Variants in TMEM128 observed in about 807,000 individuals in gnomAD.
TMEM128 encodes the protein transmembrane protein 128.
TMEM128 carries 16 observed loss-of-function variants against 19.7 expected under a neutral mutation model. The ratio of observed to expected loss-of-function variants is 0.81; its 90% confidence interval spans 0.55 to 1.23. The LOEUF (loss-of-function observed/expected upper bound fraction) is 1.23. Ranked by LOEUF, TMEM128 falls within the 50% of genes most tolerant of loss-of-function variation. The pLI, the probability that TMEM128 is intolerant of heterozygous loss-of-function variation, is 0.00. For synonymous variants in TMEM128, 98 were observed against 75.8 expected (o/e 1.29, Z -1.52); for missense variants, 237 against 200.8 (o/e 1.18, Z -1.09).
intron 1 of TMEM128, chr4:4,247,740 G>A (rs1294384997): frequency 1.3e-6 from 2 of 1,572,428 alleles, no homozygotes; most frequent in Non-Finnish European, 1.7e-6. Flanking sequence ...CTGCTGACGG[G>A]CAAGGCAGAT....
At chr4:4,242,510 TGAG>T (rs1718001749) in intron 2 of TMEM128, among the ~76,000 whole-genome samples, 1 of 143,496 alleles carries the variant, frequency 7.0e-6, no homozygotes, top group Non-Finnish European at 1.6e-5. Context: ...CATGTGGATA[TGAG>T]AAAAAAAAAA....
intron 2 of TMEM128, among the ~76,000 whole-genome samples, chr4:4,244,259 G>C (rs3856965): frequency 0.31 from 46,911 of 151,828 alleles, 7,847 homozygotes; most frequent in East Asian, 0.46. Context: ...GAGGATCACT[G>C]GAGCCCACAA....
At chr4:4,239,808 C>G (rs1308253684) in intron 3 of TMEM128, among the ~76,000 whole-genome samples, 1 of 152,208 alleles carries the variant, frequency 6.6e-6, no homozygotes, top group Admixed American at 6.5e-5. Context: ...GGAATACACC[C>G]TGTACAAATC....
rs139763367 is a variant in TMEM128, at chr4:4,245,814, G to A, written c.239+388C>T. ...TACATATATATGAATATATATATAC[G>A]TGTATACATATACACACACACACAT... On this transcript the variant is annotated intron_variant, in intron 2 of 4. Transcript: ENST00000382753. 4.9e-3 allele frequency among the ~76,000 whole-genome samples: 742 copies of A among 151,162 alleles called. 7 individuals are homozygous for A. The highest frequency in any genetic ancestry group is 0.017 in the African/African-American group (688 of 41,096).
At chr4:4,245,198 C>A (rs780056583) in intron 2 of TMEM128, among the ~76,000 whole-genome samples, 1 of 152,200 alleles carries the variant, frequency 6.6e-6, no homozygotes, top group Non-Finnish European at 1.5e-5. Context: ...CATTTCTTAT[C>A]CAAGGGTCTC....
intron 1 of TMEM128, 111 bp from the exon 2 acceptor site, chr4:4,246,454 G>T: frequency 9.0e-7 from 1 of 1,114,728 alleles, no homozygotes; most frequent in Non-Finnish European, 1.3e-6. Context: ...TCTCTCCCAT[G>T]ATAACAAATC....
intron 2 of TMEM128, among the ~76,000 whole-genome samples, chr4:4,242,012 C>T (rs929066414): frequency 1.7e-4 from 26 of 152,210 alleles, no homozygotes; most frequent in Non-Finnish European, 3.2e-4. Context: ...ACCAATTCTC[C>T]TGCCTCAGCC....
At position 4,248,173 on chromosome 4, in the gene TMEM128, G is replaced by C. The variant is rs763897051; in HGVS notation, c.30C>G (p.Leu10=). The C allele has an allele frequency of 1.2e-5, 19 of 1,532,120 alleles. No individual in the cohort carries two copies. In the South Asian group the frequency reaches 1.7e-4, roughly 14 times the overall value. The allele number at this position is 1,532,120 out of a possible 1,614,324, so 94.9% of individuals were successfully genotyped here. A position where few individuals can be genotyped will look rare whatever the true frequency, so the allele number is the denominator to read the frequency against. The change falls in exon 1 of 5, where the codon CTC becomes CTG. Residue 10 remains leucine, a synonymous_variant. Coordinates refer to ENST00000382753, the MANE Select transcript of TMEM128 (RefSeq NM_001297551.2). ...CCGGCAGGAGGAGGAATCGCCGCCG[G>C]AGCTGCTGCCGGGCCCGCGAGGAGT... MDSSRARQQ[L]RRRFLLLPDA...
At chr4:4,239,048 A>G (rs2108815537) in intron 3 of TMEM128, among the ~76,000 whole-genome samples, 1 of 152,344 alleles carries the variant, frequency 6.6e-6, no homozygotes, top group African/African-American at 2.4e-5. Flanking sequence ...AAAAAGAAAA[A>G]AAAATCCAAT....
At position 4,248,197 on chromosome 4, in the gene TMEM128, G is replaced by A. The variant is rs150283143; in HGVS notation, c.6C>T (p.Asp2=). The A allele has an allele frequency of 1.6e-4, 246 of 1,522,128 alleles. 1 individual carries two copies. In the East Asian group the frequency reaches 4.4e-3, roughly 27 times the overall value. 94.3% of individuals were successfully genotyped at this position (1,522,128 alleles called of 1,614,324 possible). A position where few individuals can be genotyped will look rare whatever the true frequency, so the allele number is the denominator to read the frequency against. The change falls in exon 1 of 5, where the codon GAC becomes GAT. Residue 2 remains aspartate, a synonymous_variant. Coordinates refer to ENST00000382753, the MANE Select transcript of TMEM128 (RefSeq NM_001297551.2). M[D]SSRARQQLRR... ...GGAGCTGCTGCCGGGCCCGCGAGGA[G>A]TCCATCTTGGTACCGCCCCGAAATG... is the stretch of plus-strand genomic sequence containing the variant.
chr4:4,238,534 C>A (rs865942846), intron 3 of TMEM128, among the ~76,000 whole-genome samples: 2 of 152,014 alleles, frequency 1.3e-5, no homozygotes, highest in Non-Finnish European at 2.9e-5. Context: ...TATTAAATAA[C>A]TATAATCACA....
intron 1 of TMEM128, chr4:4,247,746 C>T: frequency 1.9e-6 from 3 of 1,557,256 alleles, no homozygotes; most frequent in Non-Finnish European, 2.6e-6. Flanking sequence ...ACGGGCAAGG[C>T]AGATATTTCC....
chr4:4,246,323 T>C lies in TMEM128; in HGVS notation c.118A>G (p.Lys40Glu), dbSNP rs1718170672. Residue 40 changes from lysine (K) to glutamate (E), a missense_variant, in exon 2 of 5, where the codon AAA (lysine) becomes GAA (glutamate). Coordinates refer to ENST00000382753, the MANE Select transcript of TMEM128 (RefSeq NM_001297551.2). Reference protein sequence around the residue: ...AGPETSTAVEKKEKPLPRLNI... With the variant: ...AGPETSTAVEEKEKPLPRLNI... Reference sequence around the variant, plus strand: ...AGTCTTGGAAGAGGTTTCTCCTTTTTCTCAACAGCTGTGGAGGTTTCTGCA... The same window carrying C: ...AGTCTTGGAAGAGGTTTCTCCTTTTCCTCAACAGCTGTGGAGGTTTCTGCA... The C allele has an allele frequency of 1.2e-6, 2 of 1,608,508 alleles. No homozygotes were observed. The highest frequency in any genetic ancestry group is 1.1e-5 in the South Asian group (1 of 89,030).
chr4:4,241,753 A>G (rs765122072), intron 2 of TMEM128, among the ~76,000 whole-genome samples: 2 of 152,208 alleles, frequency 1.3e-5, no homozygotes, highest in African/African-American at 2.4e-5. Flanking sequence ...TTGTGACTCT[A>G]GGCAAATTAC....
chr4:4,246,110 T>C (rs913527339), intron 2 of TMEM128, 92 bp downstream of exon 2: 2 of 1,324,544 alleles, frequency 1.5e-6, no homozygotes, highest in South Asian at 1.5e-5. Flanking sequence ...CAGAGAGTAG[T>C]AGGTGCTTAC....
Position 4,235,755 on chromosome 4 carries a change from G to A in TMEM128, c.*511C>T, listed in dbSNP as rs1337068812. 6.6e-6 allele frequency: 1 copy of A among 152,534 alleles called. No homozygotes were observed. Among genetic ancestry groups the A allele is most frequent in the Admixed American group, 6.5e-5 (1 of 15,268 alleles). 9.4% of individuals were successfully genotyped at this position (152,534 alleles called of 1,614,324 possible). On this transcript the variant is annotated 3_prime_UTR_variant, in exon 5 of 5. Transcript: ENST00000382753. ...ATAGTAATTACTAAAGCTGGTTAAA[G>A]GCACATGACAACATAATTCCTTTAT...
rs113882241 is a variant in TMEM128, at chr4:4,246,082, C to T, written c.239+120G>A. 15 of 1,049,460 alleles carry T rather than the reference C, an allele frequency of 1.4e-5. No individual in the cohort carries two copies. The African/African-American group carries it at 1.8e-4, about 13-fold the overall frequency. 65.0% of individuals were successfully genotyped at this position (1,049,460 alleles called of 1,614,324 possible). A position where few individuals can be genotyped will look rare whatever the true frequency, so the allele number is the denominator to read the frequency against. On this transcript the variant is annotated intron_variant, in intron 2 of 4. Transcript: ENST00000382753. ...CATATTCATCTTCGTATCACCACACCTCCAACACAGGGCCTGGCAGAGAGT... is the reference window on the plus strand; with the variant it reads ...CATATTCATCTTCGTATCACCACACTTCCAACACAGGGCCTGGCAGAGAGT...
intron 3 of TMEM128, 57 bp downstream of exon 3, chr4:4,240,264 C>T: frequency 6.3e-7 from 1 of 1,578,634 alleles, no homozygotes; most frequent in South Asian, 1.2e-5. Context: ...ATATCACTAT[C>T]TGATCAAAAA....
intron 1 of TMEM128, among the ~76,000 whole-genome samples, chr4:4,246,614 G>T (rs185488590): frequency 4.8e-4 from 73 of 152,224 alleles, no homozygotes; most frequent in African/African-American, 1.7e-3. Context: ...AATGTCACCT[G>T]GAAATGTAAG....
Sources: gnomAD v4.1 joint callset for allele counts (sites outside exome capture counted in the v4.1 genomes callset) on GRCh38, gnomAD v4.1.1 for gene constraint, MANE v1.5 for transcripts, NCBI Gene and HGNC (gene_info 2026-07-23, HGNC 2026-07-21) for gene names.